The following CIB1 variants were observed in gnomAD, a reference collection of about 807,000 sequenced individuals.
The protein encoded by CIB1 is calcium and integrin-binding protein 1.
Under a neutral mutation model 25.0 loss-of-function variants are expected in CIB1, and 19 were observed. The ratio of observed to expected loss-of-function variants is 0.76; its 90% CI spans 0.53 to 1.12. CIB1 has a LOEUF of 1.12. Among genes scored for constraint, CIB1 ranks in the 50% most tolerant of loss-of-function variants. The pLI is 0.00. For synonymous variants in CIB1, 104 were observed against 98.5 expected (o/e 1.06, Z -0.33); for missense variants, 236 against 242.6 (o/e 0.97, Z 0.18).
At chr15:90,252,062 C>T in the CIB1 span, among the ~76,000 whole-genome samples, 4 of 85,868 alleles carry the variant, frequency 4.7e-5, no homozygotes, top group Middle Eastern at 5.3e-3. Flanking sequence ...TTTTTGAGAC[C>T]GAGTTTTGCT....
chr15:90,254,544 G>A, the CIB1 span, among the ~76,000 whole-genome samples: 1 of 143,446 alleles, frequency 7.0e-6, no homozygotes, highest in African/African-American at 2.5e-5. Context: ...TGTAAAATGA[G>A]GAATGCAGGC....
At chr15:90,259,052 T>G in the CIB1 span, 1 of 1,522,020 alleles carries the variant, frequency 6.6e-7, no homozygotes, top group South Asian at 1.2e-5. Context: ...ATAGATAATA[T>G]GTTCATATTT....
the CIB1 span, chr15:90,265,274 G>A: frequency 1.6e-6 from 2 of 1,252,788 alleles, no homozygotes; most frequent in Non-Finnish European, 2.0e-6. Context: ...GCGGCCCGGG[G>A]CTGGAGGCCA....
chr15:90,241,682 CA>C, the CIB1 span: 1 of 1,614,208 alleles, frequency 6.2e-7, no homozygotes, highest in Non-Finnish European at 8.5e-7. Context: ...TCCTCTTTTA[CA>C]CTCGTGGGCC....
the CIB1 span, chr15:90,249,548 G>C: frequency 3.9e-5 from 6 of 152,398 alleles, no homozygotes; most frequent in African/African-American, 1.4e-4. Flanking sequence ...GGCGGCCACG[G>C]GCTTGCTAGA....
the CIB1 span, among the ~76,000 whole-genome samples, chr15:90,247,689 G>A: frequency 6.6e-6 from 1 of 151,140 alleles, no homozygotes. Context: ...GGGAAAGAAG[G>A]CATATGCAGA....
At chr15:90,246,439 G>A in the CIB1 span, among the ~76,000 whole-genome samples, 17 of 152,126 alleles carry the variant, frequency 1.1e-4, no homozygotes, top group African/African-American at 3.6e-4. Flanking sequence ...GAATACTTAC[G>A]CTGTAATGGG....
the CIB1 span, chr15:90,250,943 C>T: frequency 3.2e-6 from 5 of 1,575,622 alleles, no homozygotes; most frequent in East Asian, 2.2e-5. Flanking sequence ...ACCCATTGGC[C>T]TCCCTTCAAC....
In CIB1 at chr15:90,231,356, C is replaced by A. The variant is rs778172578; in HGVS notation, c.346+1G>T. The A allele has an allele frequency of 6.2e-7, 1 of 1,613,760 alleles. No individual in the cohort carries two copies. Among genetic ancestry groups the A allele is most frequent in the Admixed American group, 1.7e-5 (1 of 60,000 alleles). ...CCTGCCGGGCTGCTCCTGGTTCTCA[C>A]CAAAGATGCGGAAGGCATAATGGGA... On this transcript the variant is annotated splice_donor_variant, in intron 4 of 6. Transcript: ENST00000328649. LOFTEE classifies it high-confidence loss of function.
At chr15:90,263,990 C>A in the CIB1 span, 1 of 1,536,130 alleles carries the variant, frequency 6.5e-7, no homozygotes, top group East Asian at 2.4e-5. Context: ...GCCATCAACT[C>A]CTGTTCATTG....
chr15:90,250,654 C>G, the CIB1 span: 54 of 1,613,892 alleles, frequency 3.3e-5, no homozygotes, highest in Non-Finnish European at 4.4e-5. Flanking sequence ...CCTGTAGGAC[C>G]ATGGAATCAG....
intron 2 of CIB1, among the ~76,000 whole-genome samples, chr15:90,232,748 A>G (rs1194718879): frequency 6.6e-6 from 1 of 152,182 alleles, no homozygotes; most frequent in Non-Finnish European, 1.5e-5. Context: ...TCTACTAAAA[A>G]TACAAAAATT....
the CIB1 span, chr15:90,265,394 C>G: frequency 8.0e-7 from 1 of 1,251,672 alleles, no homozygotes; most frequent in Non-Finnish European, 1.0e-6. Context: ...GTGGCGGAGA[C>G]AGGCAGGCCT....
At chr15:90,241,387 G>T in the CIB1 span, 1 of 1,613,916 alleles carries the variant, frequency 6.2e-7, no homozygotes. Flanking sequence ...ATCAACGTCA[G>T]CCCCCTGGAG....
intron 6 of CIB1, among the ~76,000 whole-genome samples, 167 bp from the exon 7 acceptor site, chr15:90,230,672 C>G (rs535726945): frequency 6.6e-6 from 1 of 152,116 alleles, no homozygotes; most frequent in East Asian, 1.9e-4. Flanking sequence ...CTTTCTGGAC[C>G]CACACACTGG....
chr15:90,257,036 A>C, the CIB1 span: 1 of 1,128,916 alleles, frequency 8.9e-7, no homozygotes, highest in Admixed American at 2.6e-5. Context: ...TTACATGGTT[A>C]TTGTGGAAAT....
At chr15:90,255,885 A>G in the CIB1 span, 2 of 1,614,066 alleles carry the variant, frequency 1.2e-6, no homozygotes, top group Non-Finnish European at 1.7e-6. Context: ...CTCCCCGCAG[A>G]GTGAGTGGGT....
intron 3 of CIB1, 26 bp downstream of exon 3, chr15:90,232,193 G>A (rs1464107388): frequency 1.3e-6 from 2 of 1,564,794 alleles, no homozygotes; most frequent in African/African-American, 1.3e-5. Context: ...GGTGGGAGAG[G>A]TGTCAAAGGA....
At chr15:90,259,202 A>G in the CIB1 span, 1 of 449,446 alleles carries the variant, frequency 2.2e-6, no homozygotes, top group South Asian at 2.3e-5. Flanking sequence ...TCCCTAAAAC[A>G]CAAAAAAGAA....
Sources: allele counts gnomAD v4.1 joint callset (sites outside exome capture counted in the v4.1 genomes callset), GRCh38; gene constraint gnomAD v4.1.1; transcripts MANE v1.5; gene names NCBI Gene and HGNC (gene_info 2026-07-23, HGNC 2026-07-21).